The following PPARGC1A variants were observed in gnomAD, a reference collection of about 807,000 sequenced individuals.
The protein encoded by PPARGC1A is PPARG coactivator 1 alpha.
PPARGC1A carries 25 observed loss-of-function variants against 88.7 expected under a neutral mutation model. The observed-to-expected ratio is 0.28, with a 90% CI of 0.21 to 0.39. The LOEUF (loss-of-function observed/expected upper bound fraction) is 0.39, where lower values mean the gene tolerates loss of function less well. Among genes scored for constraint, PPARGC1A ranks in the 10% least tolerant of loss-of-function variants. The probability of loss-of-function intolerance (pLI) is 1.00; values close to 1 mark genes in which losing one functional copy is unlikely to be tolerated. For synonymous variants in PPARGC1A, 363 were observed against 355.6 expected (o/e 1.02, Z -0.24); for missense variants, 880 against 968.7 (o/e 0.91, Z 1.22).
the PPARGC1A span, among the ~76,000 whole-genome samples, chr4:24,102,743 T>A: frequency 3.7e-4 from 56 of 152,252 alleles, no homozygotes; most frequent in African/African-American, 1.1e-3. Flanking sequence ...GCAGGGATTG[T>A]GGGCTGCTTT....
the PPARGC1A span, among the ~76,000 whole-genome samples, chr4:24,082,926 A>C: frequency 6.6e-6 from 1 of 152,202 alleles, no homozygotes; most frequent in Non-Finnish European, 1.5e-5. Context: ...TATATTGGCT[A>C]TTTGGGTTTT....
chr4:23,967,169 C>T, the PPARGC1A span, among the ~76,000 whole-genome samples: 10 of 152,214 alleles, frequency 6.6e-5, no homozygotes, highest in Non-Finnish European at 1.3e-4. Context: ...TTACCCACAT[C>T]GATACTTACA....
the PPARGC1A span, among the ~76,000 whole-genome samples, chr4:24,253,153 T>C: frequency 6.6e-6 from 1 of 152,176 alleles, no homozygotes; most frequent in Admixed American, 6.5e-5. Flanking sequence ...ATTTTGGTCA[T>C]TTTATATTGA....
the PPARGC1A span, among the ~76,000 whole-genome samples, chr4:23,929,206 T>G: frequency 6.6e-6 from 1 of 152,120 alleles, no homozygotes; most frequent in Non-Finnish European, 1.5e-5. Flanking sequence ...GGATTAAATG[T>G]TAGGTCAACC....
the PPARGC1A span, among the ~76,000 whole-genome samples, chr4:24,462,234 C>A: frequency 1.3e-5 from 2 of 149,128 alleles, no homozygotes; most frequent in African/African-American, 4.9e-5. Context: ...TACAGGTGCA[C>A]ACCACCGCAC....
At chr4:24,044,826 T>C in the PPARGC1A span, among the ~76,000 whole-genome samples, 1 of 152,120 alleles carries the variant, frequency 6.6e-6, no homozygotes, top group Non-Finnish European at 1.5e-5. Context: ...AAAGAAACAT[T>C]TTAAGTGGGC....
chr4:24,202,444 T>C, the PPARGC1A span, among the ~76,000 whole-genome samples: 1 of 152,230 alleles, frequency 6.6e-6, no homozygotes, highest in Non-Finnish European at 1.5e-5. Context: ...GAGATGTTCA[T>C]GAATTCAGTG....
intron 12 of PPARGC1A, among the ~76,000 whole-genome samples, chr4:23,797,178 T>C (rs1434813661): frequency 1.3e-5 from 2 of 152,084 alleles, no homozygotes; most frequent in Admixed American, 6.6e-5. Context: ...ACAATTACAG[T>C]CTCAATCATA....
the PPARGC1A span, among the ~76,000 whole-genome samples, chr4:24,326,769 C>A: frequency 6.6e-6 from 1 of 152,190 alleles, no homozygotes; most frequent in African/African-American, 2.4e-5. Context: ...AGAATTCTTA[C>A]ACAAGAGCCA....
chr4:24,146,681 T>G, the PPARGC1A span, among the ~76,000 whole-genome samples: 1 of 152,192 alleles, frequency 6.6e-6, no homozygotes, highest in Non-Finnish European at 1.5e-5. Flanking sequence ...ATCAATATGA[T>G]GGCCAACACC....
the PPARGC1A span, among the ~76,000 whole-genome samples, chr4:24,456,721 A>C: frequency 6.6e-6 from 1 of 151,888 alleles, no homozygotes; most frequent in Non-Finnish European, 1.5e-5. Context: ...GTCAGGGGAA[A>C]AGCATGGTTA....
the PPARGC1A span, among the ~76,000 whole-genome samples, chr4:24,119,341 T>C: frequency 6.6e-6 from 1 of 152,164 alleles, no homozygotes; most frequent in Admixed American, 6.5e-5. Context: ...GGAATGTCTC[T>C]CAAAAATTAA....
the PPARGC1A span, among the ~76,000 whole-genome samples, chr4:23,913,849 A>G: frequency 2.0e-5 from 3 of 152,292 alleles, no homozygotes; most frequent in Non-Finnish European, 4.4e-5. Context: ...TCATTCATCC[A>G]TCTGCATCCA....
At chr4:24,204,327 A>T in the PPARGC1A span, among the ~76,000 whole-genome samples, 1 of 152,216 alleles carries the variant, frequency 6.6e-6, no homozygotes, top group African/African-American at 2.4e-5. Context: ...TGGCTGCACC[A>T]CTGGAATATA....
the PPARGC1A span, among the ~76,000 whole-genome samples, chr4:24,286,092 C>T: frequency 1.3e-5 from 2 of 152,020 alleles, no homozygotes; most frequent in African/African-American, 4.8e-5. Context: ...CCCTCTCTCC[C>T]TCTTTTACCA....
At chr4:23,983,792 T>C in the PPARGC1A span, among the ~76,000 whole-genome samples, 1 of 151,984 alleles carries the variant, frequency 6.6e-6, no homozygotes, top group Non-Finnish European at 1.5e-5. Context: ...TCCTGGCCCA[T>C]CCTGTCTCCC....
At chr4:24,432,992 C>T in the PPARGC1A span, among the ~76,000 whole-genome samples, 1 of 152,120 alleles carries the variant, frequency 6.6e-6, no homozygotes, top group South Asian at 2.1e-4. Context: ...TCAGACGAGA[C>T]CCTAAACTCG....
chr4:24,170,437 T>C, the PPARGC1A span, among the ~76,000 whole-genome samples: 4 of 152,152 alleles, frequency 2.6e-5, no homozygotes, highest in East Asian at 5.8e-4. Flanking sequence ...GAGGGTATAA[T>C]CTACTGATGG....
the PPARGC1A span, among the ~76,000 whole-genome samples, chr4:24,453,952 C>T: frequency 1.3e-5 from 2 of 151,924 alleles, no homozygotes; most frequent in Admixed American, 1.3e-4. Flanking sequence ...TTTCTCTGAC[C>T]AATAGAACAA....
Sources: allele counts gnomAD v4.1 joint callset (sites outside exome capture counted in the v4.1 genomes callset), GRCh38; gene constraint gnomAD v4.1.1; transcripts MANE v1.5; gene names NCBI Gene and HGNC (gene_info 2026-07-23, HGNC 2026-07-21).